TBC1D1: variants seen among roughly 807,000 people sequenced by gnomAD.
TBC1D1 encodes TBC1 domain family member 1, also known as TBC1 (tre-2/USP6, BUB2, cdc16) domain family, member 1.
TBC1D1 carries 89 observed loss-of-function variants against 125.6 expected under a neutral mutation model. The ratio of observed to expected loss-of-function variants is 0.71; its 90% CI spans 0.60 to 0.85. The LOEUF is 0.85. Ranked by LOEUF, TBC1D1 falls within the 40% of genes least tolerant of loss-of-function variation. The pLI is 0.00. For synonymous variants in TBC1D1, 565 were observed against 564.1 expected (o/e 1.00, Z -0.02); for missense variants, 1,377 against 1,469.2 (o/e 0.94, Z 1.03).
Position 38,081,702 on chromosome 4 carries a change from T to G in TBC1D1, c.2051-8230T>G, listed in dbSNP as rs1756591710. ...TACTGTTTTTAAGTGCTCTCAAGGATTTTTCATTTAATCCCCACAACAAAG... is the reference window on the plus strand; with the variant it reads ...TACTGTTTTTAAGTGCTCTCAAGGAGTTTTCATTTAATCCCCACAACAAAG... On this transcript the variant is annotated intron_variant, in intron 12 of 19. Transcript: ENST00000261439. Among the ~76,000 whole-genome samples the G allele has an allele frequency of 2.0e-5, 3 of 152,160 alleles. 1 individual carries two copies. The South Asian group carries it at 6.2e-4, about 32-fold the overall frequency.
chr4:37,904,851 T>C (rs1560459864), intron 2 of TBC1D1, among the ~76,000 whole-genome samples: 2 of 152,212 alleles, frequency 1.3e-5, no homozygotes, highest in East Asian at 1.9e-4. Flanking sequence ...GCTAACAGCG[T>C]GATAGATTTT....
rs1219959311 is a variant in TBC1D1, at chr4:37,977,493, G to T, written c.418-37016G>T. 4 of 990,686 alleles carry T rather than the reference G, an allele frequency of 4.0e-6. No homozygotes were observed. The highest frequency in any genetic ancestry group is 4.8e-6 in the Non-Finnish European group (4 of 827,890). 61.4% of individuals were successfully genotyped at this position (990,686 alleles called of 1,614,324 possible). A position where few individuals can be genotyped will look rare whatever the true frequency, so the allele number is the denominator to read the frequency against. ...CCGGCGGGCGAAGAGCCGCCGCCCG[G>T]CCCGCGATGTCACCATTGTTCAGCT... On this transcript the variant is annotated intron_variant, in intron 2 of 19. Coordinates refer to ENST00000261439, the MANE Select transcript of TBC1D1 (RefSeq NM_015173.4). This position sits in a 1 kb window ranked among gnomAD's most constrained non-coding sequence, Gnocchi z 4.3.
At position 38,054,245 on chromosome 4, in the gene TBC1D1, C is replaced by T. The variant is rs1289999125; in HGVS notation, c.1957C>T (p.Pro653Ser). 1.2e-6 allele frequency: 2 copies of T among 1,614,198 alleles called. No individual in the cohort carries two copies. The highest frequency in any genetic ancestry group is 4.5e-5 in the East Asian group (2 of 44,888). ...CCATCTTGGTGATTCTGGTGGGACTCCTGTGAAGACCCGGAGGCATTCCTG... is the reference window on the plus strand; with the variant it reads ...CCATCTTGGTGATTCTGGTGGGACTTCTGTGAAGACCCGGAGGCATTCCTG... The change falls in exon 12 of 20, where the codon CCT (proline) becomes TCT (serine). Residue 653 changes from proline (P) to serine (S), a missense_variant. By Grantham distance (74) the Pro-to-Ser change is moderately conservative. Transcript: ENST00000261439.
Position 38,063,890 on chromosome 4 carries a change from A to G in TBC1D1, c.2050+9552A>G, listed in dbSNP as rs540335338. 2.0e-5 allele frequency among the ~76,000 whole-genome samples: 3 copies of G among 152,216 alleles called. No homozygotes were observed. In the East Asian group the frequency reaches 5.8e-4, roughly 29 times the overall value. ...GTGATCCTTCTGCCTCAGCCTCCCA[A>G]AGTGTTGGGATTACAGGCGTGAGCC... On this transcript the variant is annotated intron_variant, in intron 12 of 19. Transcript: ENST00000261439.
intron 2 of TBC1D1, among the ~76,000 whole-genome samples, chr4:37,934,800 C>A (rs943588769): frequency 6.6e-6 from 1 of 152,130 alleles, no homozygotes. Flanking sequence ...TCAGAGTGGG[C>A]GTGGTTTTGC....
rs536747659 is a variant in TBC1D1, at chr4:38,025,772, T to C, written c.1211-2016T>C. On this transcript the variant is annotated intron_variant, in intron 6 of 19. Transcript: ENST00000261439. ...TTCATAAATCTTAACTCTGTTTCGC[T>C]TCGGCATTTAAGTAGTTGATACAGT... Among the ~76,000 whole-genome samples the C allele has an allele frequency of 2.6e-5, 4 of 152,374 alleles. No homozygotes were observed. In the South Asian group the frequency reaches 8.3e-4, roughly 32 times the overall value.
chr4:38,137,020 A>T, intron 19 of TBC1D1, 115 bp from the exon 22 acceptor site: 1 of 1,528,894 alleles, frequency 6.5e-7, no homozygotes, highest in Non-Finnish European at 9.0e-7. Context: ...CTGTAGACTC[A>T]TCCCTGCTGA....
At chr4:37,893,489 C>G (rs1244287118) in intron 1 of TBC1D1, among the ~76,000 whole-genome samples, 1 of 152,190 alleles carries the variant, frequency 6.6e-6, no homozygotes, top group Non-Finnish European at 1.5e-5. Context: ...ATCTCTTGGT[C>G]ATTAAACTTG....
chr4:37,972,903 CA>C (rs33977382), intron 2 of TBC1D1, among the ~76,000 whole-genome samples: 51,784 of 104,390 alleles, frequency 0.5, 9,903 homozygotes, highest in East Asian at 0.79. Flanking sequence ...ACTCCATCTC[CA>C]AAAAAAAAAA....
At chr4:38,088,873 A>G (rs1757978091) in intron 12 of TBC1D1, among the ~76,000 whole-genome samples, 1 of 152,188 alleles carries the variant, frequency 6.6e-6, no homozygotes, top group Non-Finnish European at 1.5e-5. Context: ...CTGCCCTATT[A>G]AGTGCAGTGC....
At chr4:38,093,867 G>GC (rs1758873323) in intron 13 of TBC1D1, among the ~76,000 whole-genome samples, 1 of 152,120 alleles carries the variant, frequency 6.6e-6, no homozygotes, top group African/African-American at 2.4e-5. Context: ...GATGTGAGCA[G>GC]CCTAATGTAA....
intron 2 of TBC1D1, among the ~76,000 whole-genome samples, chr4:37,994,864 T>C (rs1373135179): frequency 6.6e-6 from 1 of 152,164 alleles, no homozygotes; most frequent in East Asian, 1.9e-4. Context: ...TTACAGTCAA[T>C]TACAATCCTT....
chr4:37,997,495 C>T (rs1020462062), intron 2 of TBC1D1, among the ~76,000 whole-genome samples: 1 of 151,964 alleles, frequency 6.6e-6, no homozygotes, highest in African/African-American at 2.4e-5. Flanking sequence ...AATGATTTTG[C>T]CCCTAGAAGT....
intron 18 of TBC1D1, among the ~76,000 whole-genome samples, chr4:38,127,096 A>G (rs1156893329): frequency 6.6e-6 from 1 of 151,700 alleles, no homozygotes; most frequent in Non-Finnish European, 1.5e-5. Context: ...TGAGGGCTAT[A>G]TCCACTACCT....
At chr4:37,916,888 C>T (rs913836470) in intron 2 of TBC1D1, among the ~76,000 whole-genome samples, 6 of 151,982 alleles carry the variant, frequency 3.9e-5, no homozygotes, top group African/African-American at 4.8e-5. Context: ...CTCCAGCCTC[C>T]GCCTCTTGAG....
intron 12 of TBC1D1, 63 bp from the exon 15 acceptor site, chr4:38,089,869 T>G (rs933951309): frequency 2.1e-6 from 3 of 1,454,498 alleles, no homozygotes; most frequent in Admixed American, 2.4e-5. Flanking sequence ...GATTTGACAC[T>G]GTGTTTGAAT....
At chr4:37,971,192 A>G (rs1391457455) in intron 2 of TBC1D1, among the ~76,000 whole-genome samples, 2 of 152,196 alleles carry the variant, frequency 1.3e-5, no homozygotes, top group Non-Finnish European at 2.9e-5. Context: ...TGAGACATTA[A>G]AGCATCCTTT....
chr4:37,959,852 C>G lies in TBC1D1; in HGVS notation c.418-54657C>G, dbSNP rs9968329. 1.2e-3 allele frequency among the ~76,000 whole-genome samples: 190 copies of G among 152,246 alleles called. 1 individual carries two copies. The highest frequency in any genetic ancestry group is 4.3e-3 in the African/African-American group (178 of 41,556). Reference sequence around the variant, plus strand: ...TAGTAGTCACGTTGCTCAGAGAGGGCCTCTCGGCTCTCCCCACCACTGCAT... The same window carrying G: ...TAGTAGTCACGTTGCTCAGAGAGGGGCTCTCGGCTCTCCCCACCACTGCAT... On this transcript the variant is annotated intron_variant, in intron 2 of 19. Coordinates refer to ENST00000261439, the MANE Select transcript of TBC1D1 (RefSeq NM_015173.4).
intron 3 of TBC1D1, among the ~76,000 whole-genome samples, chr4:38,017,915 C>T (rs932699259): frequency 1.1e-4 from 16 of 152,328 alleles, no homozygotes; most frequent in Admixed American, 9.1e-4. Flanking sequence ...AAGGTCCGGT[C>T]ACTAGTGTAT....
Sources: allele counts gnomAD v4.1 joint callset (sites outside exome capture counted in the v4.1 genomes callset), GRCh38; gene constraint gnomAD v4.1.1; non-coding constraint Gnocchi (gnomAD v3.1); transcripts MANE v1.5; gene names NCBI Gene and HGNC (gene_info 2026-07-23, HGNC 2026-07-21).